Variants in SLC10A7 observed in about 807,000 individuals in gnomAD.
SLC10A7 encodes solute carrier family 10 member 7.
In SLC10A7, 29 loss-of-function variants were observed where a neutral mutation model predicts 43.2. The observed-to-expected ratio is 0.67, with a 90% CI of 0.50 to 0.92. SLC10A7 has a LOEUF of 0.92. Ranked by LOEUF, SLC10A7 falls within the 40% of genes least tolerant of loss-of-function variation. The pLI is 0.00. For synonymous variants in SLC10A7, 152 were observed against 144.8 expected, an observed-to-expected ratio of 1.05 and a Z score of -0.35; for missense variants, 295 against 403.2, an observed-to-expected ratio of 0.73 and a Z score of 2.30.
chr4:146,285,405 C>T (rs1729828732), intron 9 of SLC10A7, among the ~76,000 whole-genome samples: 1 of 152,172 alleles, frequency 6.6e-6, no homozygotes, highest in African/African-American at 2.4e-5. Flanking sequence ...AACAGTACCT[C>T]CCAACAGCTC....
chr4:146,424,746 A>T (rs1278829618), intron 5 of SLC10A7, among the ~76,000 whole-genome samples: 2 of 152,166 alleles, frequency 1.3e-5, no homozygotes, highest in Admixed American at 6.6e-5. Context: ...GAGACTCTGA[A>T]AATGAACTGA....
chr4:146,339,405 A>G (rs540355531), intron 5 of SLC10A7, among the ~76,000 whole-genome samples: 12 of 152,060 alleles, frequency 7.9e-5, no homozygotes, highest in Non-Finnish European at 1.6e-4. Flanking sequence ...TCATATTTCA[A>G]TGGTCTGATT....
chr4:146,286,423 G>C (rs111488236), intron 9 of SLC10A7, among the ~76,000 whole-genome samples: 3,794 of 71,586 alleles, frequency 0.053, no homozygotes, highest in East Asian at 0.08. Context: ...ACTGTGTTTG[G>C]AGTGGTGAGA....
chr4:146,273,900 C>T (rs1729047694), intron 10 of SLC10A7, among the ~76,000 whole-genome samples: 1 of 152,064 alleles, frequency 6.6e-6, no homozygotes, highest in Admixed American at 6.6e-5. Context: ...TCTACTGCCC[C>T]TTTCAGAACA....
chr4:146,507,091 G>A (rs749511754), intron 3 of SLC10A7, among the ~76,000 whole-genome samples: 33 of 152,026 alleles, frequency 2.2e-4, no homozygotes, highest in Non-Finnish European at 3.7e-4. Context: ...TCTAGTATAC[G>A]TTATTAACTA....
intron 4 of SLC10A7, among the ~76,000 whole-genome samples, chr4:146,479,426 A>C (rs1238503357): frequency 6.6e-6 from 1 of 152,218 alleles, no homozygotes; most frequent in Admixed American, 6.5e-5. Flanking sequence ...ATAAATATAA[A>C]AAAGATAATC....
intron 10 of SLC10A7, among the ~76,000 whole-genome samples, chr4:146,265,660 A>G (rs1404266503): frequency 6.6e-6 from 1 of 152,224 alleles, no homozygotes; most frequent in Non-Finnish European, 1.5e-5. Flanking sequence ...CTGGTGCTCA[A>G]TACATAAATA....
rs769921140 is a variant in SLC10A7 at position 146,292,995 on chromosome 4, A to G, written c.722-15T>C. ...GATAGAAAATACTGAAGAAAAAAAG[A>G]TTGAATCTAAATTAGCACTCTAAAA... On this transcript the variant is annotated splice_polypyrimidine_tract_variant and intron_variant, in intron 8 of 11. Coordinates refer to ENST00000335472, the MANE Select transcript of SLC10A7 (RefSeq NM_001029998.6). 6.5e-7 allele frequency: 1 copy of G among 1,529,596 alleles called. No individual in the cohort carries two copies. Among genetic ancestry groups the G allele is most frequent in the South Asian group, 1.2e-5 (1 of 86,812 alleles). 94.8% of individuals were successfully genotyped at this position (1,529,596 alleles called of 1,614,324 possible). A position where few individuals can be genotyped will look rare whatever the true frequency, so the allele number is the denominator to read the frequency against.
intron 4 of SLC10A7, among the ~76,000 whole-genome samples, chr4:146,468,279 C>T (rs1177275775): frequency 6.6e-6 from 1 of 152,064 alleles, no homozygotes; most frequent in Non-Finnish European, 1.5e-5. Context: ...AATATTATCA[C>T]ATTACCAAGT....
intron 7 of SLC10A7, among the ~76,000 whole-genome samples, chr4:146,294,824 AG>A (rs1405776148): frequency 6.6e-6 from 1 of 152,234 alleles, no homozygotes; most frequent in East Asian, 1.9e-4. Flanking sequence ...TTTTAAAATC[AG>A]GTCATCTGAA....
At chr4:146,380,584 T>G (rs987228761) in intron 5 of SLC10A7, among the ~76,000 whole-genome samples, 2 of 152,154 alleles carry the variant, frequency 1.3e-5, no homozygotes. Context: ...GATGACCTAC[T>G]ACATATGGGG....
At chr4:146,462,269 A>G (rs1432630941) in intron 4 of SLC10A7, among the ~76,000 whole-genome samples, 1 of 152,128 alleles carries the variant, frequency 6.6e-6, no homozygotes, top group Non-Finnish European at 1.5e-5. Context: ...TTTGTTAGTA[A>G]AATCATAGCT....
At chr4:146,460,113 T>A (rs1424104248) in intron 4 of SLC10A7, among the ~76,000 whole-genome samples, 2 of 151,912 alleles carry the variant, frequency 1.3e-5, no homozygotes, top group South Asian at 2.1e-4. Flanking sequence ...AGTAGAGAAC[T>A]ATTAATTAAT....
intron 4 of SLC10A7, among the ~76,000 whole-genome samples, chr4:146,447,020 T>C (rs1160943236): frequency 6.6e-6 from 1 of 152,136 alleles, no homozygotes; most frequent in Non-Finnish European, 1.5e-5. Context: ...AACCAACCTA[T>C]GACAGTAACA....
At chr4:146,361,178 C>G (rs1439850346) in intron 5 of SLC10A7, among the ~76,000 whole-genome samples, 2 of 152,092 alleles carry the variant, frequency 1.3e-5, no homozygotes, top group African/African-American at 4.8e-5. Flanking sequence ...TCTGAGGAAG[C>G]AGGGCAATCT....
chr4:146,459,776 G>A (rs1312224963), intron 4 of SLC10A7, among the ~76,000 whole-genome samples: 1 of 151,678 alleles, frequency 6.6e-6, no homozygotes, highest in Non-Finnish European at 1.5e-5. Context: ...ATCTACGTTA[G>A]GCTACAAAAA....
chr4:146,359,510 G>A (rs1159361796), intron 5 of SLC10A7, among the ~76,000 whole-genome samples: 1 of 151,898 alleles, frequency 6.6e-6, no homozygotes, highest in East Asian at 1.9e-4. Flanking sequence ...AAAACTATGG[G>A]TTTATTCTAA....
intron 5 of SLC10A7, chr4:146,441,653 T>C: frequency 4.1e-6 from 4 of 972,480 alleles, no homozygotes; most frequent in Non-Finnish European, 4.9e-6. Context: ...AACTAAGCAA[T>C]CCGAGAGATT....
rs749024272 is a variant in SLC10A7, at chr4:146,255,806, A to T, written c.*685T>A. The T allele has an allele frequency of 6.6e-6, 1 of 152,226 alleles. No homozygotes were observed. Among genetic ancestry groups the T allele is most frequent in the Non-Finnish European group, 1.5e-5 (1 of 68,040 alleles). 9.4% of individuals were successfully genotyped at this position (152,226 alleles called of 1,614,324 possible). On this transcript the variant is annotated 3_prime_UTR_variant, in exon 12 of 12. Coordinates refer to ENST00000335472, the MANE Select transcript of SLC10A7 (RefSeq NM_001029998.6). The stretch of plus-strand genomic sequence containing the variant: ...CCTGAAAATCAAATCACAGAGTTTA[A>T]CTCAAAATTTCACATGATTTCACTC...
Sources: allele counts gnomAD v4.1 joint callset (sites outside exome capture counted in the v4.1 genomes callset), GRCh38; gene constraint gnomAD v4.1.1; transcripts MANE v1.5; gene names NCBI Gene and HGNC (gene_info 2026-07-23, HGNC 2026-07-21).